Variants in KCTD8 observed in about 807,000 individuals in gnomAD.
KCTD8 encodes potassium channel tetramerization domain containing 8, also known as BTB/POZ domain-containing protein KCTD8.
In KCTD8, 27 loss-of-function variants were observed where a neutral mutation model predicts 31.5. The observed-to-expected ratio is 0.86, with a 90% confidence interval of 0.63 to 1.18. KCTD8 has a LOEUF of 1.18. Among genes scored for constraint, KCTD8 ranks in the 50% most tolerant of loss-of-function variants. The probability of loss-of-function intolerance (pLI) is 0.00; values close to 1 mark genes in which losing one functional copy is unlikely to be tolerated. For synonymous variants in KCTD8, 290 were observed against 280.0 expected (o/e 1.04, Z -0.36); for missense variants, 658 against 647.7 (o/e 1.02, Z -0.17).
chr4:44,447,442 C>G, intron 1 of KCTD8, 121 bp downstream of exon 1: 2 of 1,408,282 alleles, frequency 1.4e-6, no homozygotes, highest in Admixed American at 3.0e-5. Context: ...GAGCCGCTCT[C>G]TATAAGGAGT....
chr4:44,275,121 T>C (rs1195346605), intron 1 of KCTD8, among the ~76,000 whole-genome samples: 2 of 151,872 alleles, frequency 1.3e-5, no homozygotes, highest in Non-Finnish European at 2.9e-5. Flanking sequence ...GTATGGAAAG[T>C]TGGAGAAGGT....
intron 1 of KCTD8, among the ~76,000 whole-genome samples, chr4:44,435,612 G>C (rs1417084034): frequency 6.6e-6 from 1 of 152,018 alleles, no homozygotes; most frequent in Non-Finnish European, 1.5e-5. Flanking sequence ...AATACGTAAA[G>C]AAATGCCATA....
rs546325658 is a variant in KCTD8, at chr4:44,250,948, C to T, written c.962-75698G>A. Among the ~76,000 whole-genome samples the T allele has an allele frequency of 6.6e-3, 996 of 151,562 alleles. 13 individuals carry two copies. Among genetic ancestry groups the T allele is most frequent in the African/African-American group, 0.023 (950 of 41,434 alleles). On this transcript the variant is annotated intron_variant, in intron 1 of 1. Transcript: ENST00000360029. ...AAATGTAACATTCTTCATTCTTTTC[C>T]TTCATGGCTGCGTTTTTAAATAGTT...
At chr4:44,272,280 A>AT (rs930602470) in intron 1 of KCTD8, among the ~76,000 whole-genome samples, 8 of 151,466 alleles carry the variant, frequency 5.3e-5, no homozygotes, top group East Asian at 1.9e-4. Context: ...CAACAGGAAC[A>AT]TTTTTTTTCA....
At chr4:44,250,311 ATT>A (rs1281816146) in intron 1 of KCTD8, among the ~76,000 whole-genome samples, 1 of 151,536 alleles carries the variant, frequency 6.6e-6, no homozygotes, top group African/African-American at 2.4e-5. Context: ...TGAGTTAGTG[ATT>A]TTTTCCAATT....
chr4:44,291,219 T>A (rs1445365796), intron 1 of KCTD8, among the ~76,000 whole-genome samples: 1 of 152,054 alleles, frequency 6.6e-6, no homozygotes, highest in Non-Finnish European at 1.5e-5. Flanking sequence ...AGGAAATAGA[T>A]ACATTCCTGG....
intron 1 of KCTD8, among the ~76,000 whole-genome samples, chr4:44,243,197 A>G (rs1715555167): frequency 6.6e-6 from 1 of 152,238 alleles, no homozygotes; most frequent in Non-Finnish European, 1.5e-5. Flanking sequence ...TCCTTTGTTC[A>G]TGGGTTCCAG....
chr4:44,351,192 C>A (rs1400018770), intron 1 of KCTD8, among the ~76,000 whole-genome samples: 1 of 151,944 alleles, frequency 6.6e-6, no homozygotes, highest in African/African-American at 2.4e-5. Context: ...CCCTAGAATG[C>A]AAGTTTAATG....
intron 1 of KCTD8, among the ~76,000 whole-genome samples, chr4:44,350,659 A>AT (rs541275950): frequency 1.9e-4 from 29 of 152,288 alleles, no homozygotes; most frequent in Admixed American, 1.5e-3. Context: ...CAAAAGATAT[A>AT]TTTTTTTAAA....
chr4:44,201,987 T>C (rs1714163644), intron 1 of KCTD8, among the ~76,000 whole-genome samples: 1 of 152,106 alleles, frequency 6.6e-6, no homozygotes, highest in South Asian at 2.1e-4. Flanking sequence ...CCAAAGGACA[T>C]GAACACATAC....
At chr4:44,231,156 C>T (rs953664320) in intron 1 of KCTD8, among the ~76,000 whole-genome samples, 3 of 152,124 alleles carry the variant, frequency 2.0e-5, no homozygotes, top group African/African-American at 7.2e-5. Context: ...ATTCAATAAT[C>T]TCAATTATCC....
chr4:44,342,959 ATGTT>A (rs1316672571), intron 1 of KCTD8, among the ~76,000 whole-genome samples: 1 of 152,198 alleles, frequency 6.6e-6, no homozygotes, highest in East Asian at 1.9e-4. Context: ...GCTTAAGAGA[ATGTT>A]TGGTTGATCT....
intron 1 of KCTD8, among the ~76,000 whole-genome samples, chr4:44,306,066 T>C (rs1717792782): frequency 6.6e-6 from 1 of 151,848 alleles, no homozygotes; most frequent in African/African-American, 2.4e-5. Context: ...CTCCAAAATG[T>C]TTGTATTAGA....
intron 1 of KCTD8, among the ~76,000 whole-genome samples, chr4:44,403,852 CAT>C (rs1382668914): frequency 1.3e-5 from 2 of 151,816 alleles, no homozygotes; most frequent in Admixed American, 1.3e-4. Flanking sequence ...GTAATAAAGA[CAT>C]ATGTTAGATG....
intron 1 of KCTD8, among the ~76,000 whole-genome samples, chr4:44,323,419 A>G (rs1321107848): frequency 6.6e-6 from 1 of 151,424 alleles, no homozygotes; most frequent in Non-Finnish European, 1.5e-5. Flanking sequence ...CCTTGAACGT[A>G]GGAGGCAGAG....
chr4:44,400,346 A>C (rs1336995837), intron 1 of KCTD8, among the ~76,000 whole-genome samples: 1 of 152,122 alleles, frequency 6.6e-6, no homozygotes, highest in East Asian at 1.9e-4. Context: ...TCAGGTCAAA[A>C]GTATGATATT....
rs191399456 is a variant in KCTD8, at chr4:44,187,117, A to G, written c.962-11867T>C. Reference sequence around the variant, plus strand: ...TAGTTAATGAAAATATTCCTTTGGCAAAGTTCCTACCTTATCCCTTTTAGT... The same window carrying G: ...TAGTTAATGAAAATATTCCTTTGGCGAAGTTCCTACCTTATCCCTTTTAGT... On this transcript the variant is annotated intron_variant, in intron 1 of 1. Coordinates refer to ENST00000360029, the MANE Select transcript of KCTD8 (RefSeq NM_198353.3). 6.6e-5 allele frequency among the ~76,000 whole-genome samples: 10 copies of G among 152,340 alleles called. No homozygotes were observed. In the East Asian group the frequency reaches 1.9e-3, roughly 30 times the overall value.
intron 1 of KCTD8, among the ~76,000 whole-genome samples, chr4:44,316,795 GAAA>G (rs71188270): frequency 9.7e-4 from 39 of 40,342 alleles, no homozygotes; most frequent in East Asian, 1.9e-3. Context: ...CTAAAAATAC[GAAA>G]AAAAAAAAAA....
At chr4:44,301,681 A>C (rs577978031) in intron 1 of KCTD8, among the ~76,000 whole-genome samples, 8 of 151,954 alleles carry the variant, frequency 5.3e-5, no homozygotes, top group African/African-American at 1.9e-4. Flanking sequence ...TGTTCACTCT[A>C]ATGGTAGTTT....
Sources: allele counts gnomAD v4.1 joint callset (sites outside exome capture counted in the v4.1 genomes callset), GRCh38; gene constraint gnomAD v4.1.1; transcripts MANE v1.5; gene names NCBI Gene and HGNC (gene_info 2026-07-23, HGNC 2026-07-21).